APP: variants seen among roughly 807,000 people sequenced by gnomAD.
APP encodes the protein amyloid-beta precursor protein.
APP carries 31 observed loss-of-function variants against 101.4 expected under a neutral mutation model. The observed-to-expected ratio is 0.31, with a 90% confidence interval of 0.23 to 0.41. The LOEUF (loss-of-function observed/expected upper bound fraction) is 0.41, where lower values mean the gene tolerates loss of function less well. APP is among the 10% of genes least tolerant of loss of function. APP has a pLI of 1.00. For synonymous variants in APP, 366 were observed against 364.4 expected (o/e 1.00, Z -0.05); for missense variants, 839 against 1,003.7 (o/e 0.84, Z 2.22).
At chr21:25,982,819 T>C (rs1225401975) in intron 8 of APP, among the ~76,000 whole-genome samples, 2 of 152,212 alleles carry the variant, frequency 1.3e-5, no homozygotes, top group Non-Finnish European at 1.5e-5. Context: ...CTTTCCTAAA[T>C]TACTATTTTG....
chr21:25,933,609 C>T (rs1422495539), intron 13 of APP, among the ~76,000 whole-genome samples: 3 of 152,228 alleles, frequency 2.0e-5, no homozygotes, highest in African/African-American at 7.2e-5. Flanking sequence ...TAAGCTTCAA[C>T]AACAAATTAA....
At chr21:26,024,407 A>G (rs760612717) in intron 5 of APP, among the ~76,000 whole-genome samples, 1 of 152,216 alleles carries the variant, frequency 6.6e-6, no homozygotes, top group Non-Finnish European at 1.5e-5. Flanking sequence ...GAAAAGTGAT[A>G]GGAACCCGGG....
intron 13 of APP, among the ~76,000 whole-genome samples, chr21:25,921,339 A>C (rs1178912413): frequency 1.7e-5 from 2 of 119,624 alleles, no homozygotes; most frequent in African/African-American, 6.7e-5. Context: ...AAGAGCAAAC[A>C]CATTCAAAAG....
chr21:26,145,874 C>A (rs2063144298), intron 1 of APP, among the ~76,000 whole-genome samples: 1 of 152,092 alleles, frequency 6.6e-6, no homozygotes, highest in African/African-American at 2.4e-5. Context: ...TATGGTTATG[C>A]CCACTTTTAA....
At chr21:26,069,507 A>AC (rs1303582245) in intron 3 of APP, among the ~76,000 whole-genome samples, 1 of 152,086 alleles carries the variant, frequency 6.6e-6, no homozygotes, top group Non-Finnish European at 1.5e-5. Flanking sequence ...CTGGTCTAGG[A>AC]CCCTCAGCAC....
chr21:26,050,901 A>C (rs2045809911), intron 5 of APP, 99 bp downstream of exon 5: 1 of 1,441,200 alleles, frequency 6.9e-7, no homozygotes, highest in Non-Finnish European at 9.6e-7. Context: ...GTGGGCAGAG[A>C]CCTTTTCAGT....
chr21:25,968,634 A>G (rs1006589085), intron 11 of APP, among the ~76,000 whole-genome samples: 7 of 152,232 alleles, frequency 4.6e-5, no homozygotes, highest in East Asian at 1.9e-4. Context: ...GAAATTCATT[A>G]GTAGAACAAG....
At chr21:25,895,228 C>T (rs1343970215) in intron 16 of APP, among the ~76,000 whole-genome samples, 3 of 149,610 alleles carry the variant, frequency 2.0e-5, no homozygotes, top group Admixed American at 6.7e-5. Context: ...GGCTGGAGTG[C>T]GATCTCGGCT....
intron 11 of APP, among the ~76,000 whole-genome samples, chr21:25,971,622 G>T (rs2042035921): frequency 6.6e-6 from 1 of 152,220 alleles, no homozygotes; most frequent in Non-Finnish European, 1.5e-5. Flanking sequence ...TGATCCCTGA[G>T]AATATAGCTG....
chr21:26,002,277 C>T (rs151193712), intron 6 of APP, among the ~76,000 whole-genome samples: 5 of 116,708 alleles, frequency 4.3e-5, no homozygotes, highest in South Asian at 2.8e-4. Flanking sequence ...TTGACATCAT[C>T]GTGATGGTAG....
intron 5 of APP, among the ~76,000 whole-genome samples, chr21:26,034,638 C>CAAA (rs201287871): frequency 5.8e-5 from 1 of 17,114 alleles, no homozygotes; most frequent in African/African-American, 1.2e-4. Context: ...CAAGACTTCT[C>CAAA]AAAAAAAAAA....
In APP at chr21:26,049,062, G is replaced by C. The variant is rs541491665; in HGVS notation, c.662+1938C>G. 4.1e-4 allele frequency among the ~76,000 whole-genome samples: 63 copies of C among 152,198 alleles called. No individual in the cohort carries two copies. The South Asian group carries it at 0.013, about 31-fold the overall frequency. ...GCAAGAGAATTTGGACTTTTCTACA[G>C]GTAGAATAAACCATCAAATATTTCC... On this transcript the variant is annotated intron_variant, in intron 5 of 17. Transcript: ENST00000346798.
At chr21:26,137,219 C>T (rs572020851) in intron 1 of APP, among the ~76,000 whole-genome samples, 6 of 152,288 alleles carry the variant, frequency 3.9e-5, no homozygotes, top group African/African-American at 7.2e-5. Flanking sequence ...TGAGCCACTG[C>T]GCCTGGCCCT....
intron 2 of APP, among the ~76,000 whole-genome samples, chr21:26,102,929 C>A (rs966775770): frequency 6.9e-6 from 1 of 145,582 alleles, no homozygotes; most frequent in Non-Finnish European, 1.5e-5. Flanking sequence ...GAATAATTGA[C>A]GTAGTTGTAT....
chr21:26,152,875 A>G (rs1363701284), intron 1 of APP, among the ~76,000 whole-genome samples: 1 of 152,238 alleles, frequency 6.6e-6, no homozygotes, highest in Admixed American at 6.5e-5. Context: ...CACAAATGCA[A>G]AGATGCAGAA....
At chr21:26,049,785 G>A (rs1001932859) in intron 5 of APP, among the ~76,000 whole-genome samples, 2 of 152,174 alleles carry the variant, frequency 1.3e-5, no homozygotes, top group Admixed American at 1.3e-4. Context: ...GGAAAAAGAG[G>A]ATAATGGACT....
chr21:26,131,926 A>G (rs2146276648), intron 1 of APP, among the ~76,000 whole-genome samples: 1 of 151,500 alleles, frequency 6.6e-6, no homozygotes, highest in South Asian at 2.1e-4. Context: ...TTTCACTCAG[A>G]TCCTGTTTTC....
intron 8 of APP, among the ~76,000 whole-genome samples, chr21:25,987,968 T>C (rs1340701545): frequency 6.6e-6 from 1 of 152,172 alleles, no homozygotes; most frequent in Non-Finnish European, 1.5e-5. Flanking sequence ...ATATGTGATT[T>C]GTATTATGGA....
chr21:26,026,995 C>G (rs1188020330), intron 5 of APP, among the ~76,000 whole-genome samples: 1 of 152,192 alleles, frequency 6.6e-6, no homozygotes, highest in Non-Finnish European at 1.5e-5. Flanking sequence ...TTGCTGTGAA[C>G]CTAAAACTGC....
Sources: allele counts gnomAD v4.1 joint callset (sites outside exome capture counted in the v4.1 genomes callset), GRCh38; gene constraint gnomAD v4.1.1; transcripts MANE v1.5; gene names NCBI Gene and HGNC (gene_info 2026-07-23, HGNC 2026-07-21).